The following WDR70 variants were observed in gnomAD, a reference collection of about 807,000 sequenced individuals.
The protein encoded by WDR70 is WD repeat-containing protein 70.
In WDR70, 53 loss-of-function variants were observed where a neutral mutation model predicts 88.6. That is an observed-to-expected ratio of 0.60 (90% CI 0.48 to 0.75). WDR70 has a LOEUF of 0.75. WDR70 is among the 30% of genes least tolerant of loss of function. The pLI is 0.00. For synonymous variants in WDR70, 280 were observed against 270.0 expected (o/e 1.04, Z -0.36); for missense variants, 610 against 823.2 (o/e 0.74, Z 3.17).
chr5:37,523,667 C>CGATCAAA (rs1561887026), intron 9 of WDR70, among the ~76,000 whole-genome samples: 3 of 152,012 alleles, frequency 2.0e-5, no homozygotes. Context: ...AGGCTTCAGA[C>CGATCAAA]GATCAAACTT....
intron 10 of WDR70, among the ~76,000 whole-genome samples, chr5:37,638,384 G>A (rs1745026435): frequency 6.6e-6 from 1 of 152,196 alleles, no homozygotes; most frequent in Non-Finnish European, 1.5e-5. Flanking sequence ...AGGCTCTGCT[G>A]CTTATTAGCT....
At chr5:37,427,331 C>G (rs1035690831) in intron 5 of WDR70, among the ~76,000 whole-genome samples, 2 of 151,548 alleles carry the variant, frequency 1.3e-5, no homozygotes, top group African/African-American at 4.9e-5. Context: ...GGAGCTTGCA[C>G]TGAGCGGAGA....
At chr5:37,686,200 C>T (rs1372603446) in intron 10 of WDR70, among the ~76,000 whole-genome samples, 1 of 150,454 alleles carries the variant, frequency 6.6e-6, no homozygotes, top group Non-Finnish European at 1.5e-5. Context: ...GTTGTAGTCA[C>T]AGTACTTGGG....
At chr5:37,559,315 T>A (rs1561901378) in intron 9 of WDR70, among the ~76,000 whole-genome samples, 1 of 152,284 alleles carries the variant, frequency 6.6e-6, no homozygotes, top group East Asian at 1.9e-4. Flanking sequence ...CTGGCATAAT[T>A]TATCATATCG....
intron 10 of WDR70, among the ~76,000 whole-genome samples, chr5:37,687,741 ATT>A (rs35188065): frequency 2.4e-4 from 36 of 148,046 alleles, no homozygotes; most frequent in East Asian, 5.9e-4. Flanking sequence ...ATCTAGCAGA[ATT>A]TTTTTTTTTT....
intron 5 of WDR70, 58 bp from the exon 6 acceptor site, chr5:37,437,864 G>C: frequency 6.6e-7 from 1 of 1,505,852 alleles, no homozygotes. Flanking sequence ...AATGTGTTGT[G>C]TAGTTCCCCA....
chr5:37,578,494 C>T (rs974656765), intron 9 of WDR70, among the ~76,000 whole-genome samples: 2 of 152,124 alleles, frequency 1.3e-5, no homozygotes, highest in African/African-American at 4.8e-5. Flanking sequence ...TGGAATTGCT[C>T]CCTATTTATG....
chr5:37,636,789 C>T (rs1005398241), intron 10 of WDR70, among the ~76,000 whole-genome samples: 4 of 151,724 alleles, frequency 2.6e-5, no homozygotes, highest in Admixed American at 1.3e-4. Flanking sequence ...AGATTGGAGG[C>T]GACTAAGGAA....
At chr5:37,604,743 TG>T (rs1415915116) in intron 9 of WDR70, among the ~76,000 whole-genome samples, 3 of 152,234 alleles carry the variant, frequency 2.0e-5, no homozygotes, top group Non-Finnish European at 4.4e-5. Flanking sequence ...GCAGTTTGGC[TG>T]ATCAGGGGTA....
chr5:37,578,670 T>G (rs1201854555), intron 9 of WDR70, among the ~76,000 whole-genome samples: 15 of 152,250 alleles, frequency 9.9e-5, no homozygotes. Flanking sequence ...TCAATAAAAT[T>G]ATTTGAGCTT....
At chr5:37,665,239 C>T (rs1446970710) in intron 10 of WDR70, among the ~76,000 whole-genome samples, 6 of 152,064 alleles carry the variant, frequency 3.9e-5, no homozygotes, top group Admixed American at 2.6e-4. Flanking sequence ...TTCCATTCAC[C>T]TATATTCTCA....
At chr5:37,467,428 G>A (rs952028863) in intron 7 of WDR70, among the ~76,000 whole-genome samples, 61 of 151,924 alleles carry the variant, frequency 4.0e-4, no homozygotes, top group African/African-American at 1.4e-3. Context: ...AGGAAGTAAT[G>A]CCACCATAGG....
At chr5:37,691,365 T>C (rs1472946047) in intron 10 of WDR70, among the ~76,000 whole-genome samples, 1 of 152,166 alleles carries the variant, frequency 6.6e-6, no homozygotes, top group Non-Finnish European at 1.5e-5. Flanking sequence ...GCGGACCTAG[T>C]AGACATGTAC....
At chr5:37,411,617 TCGGGAGG>T in intron 5 of WDR70, among the ~76,000 whole-genome samples, 1 of 152,108 alleles carries the variant, frequency 6.6e-6, no homozygotes, top group East Asian at 1.9e-4. Flanking sequence ...TTCCAGCTAC[TCGGGAGG>T]CTGAGACATG....
At chr5:37,670,350 C>T (rs577707456) in intron 10 of WDR70, among the ~76,000 whole-genome samples, 2 of 152,200 alleles carry the variant, frequency 1.3e-5, no homozygotes, top group South Asian at 2.1e-4. Context: ...ACAGAGGCAG[C>T]GAGAGTGTCA....
At chr5:37,434,381 G>A (rs920667099) in intron 5 of WDR70, among the ~76,000 whole-genome samples, 3 of 152,152 alleles carry the variant, frequency 2.0e-5, no homozygotes, top group Admixed American at 6.6e-5. Flanking sequence ...AGTGTTATTA[G>A]ATCTCCATAG....
intron 3 of WDR70, among the ~76,000 whole-genome samples, chr5:37,387,175 A>C (rs964159530): frequency 6.6e-6 from 1 of 151,998 alleles, no homozygotes; most frequent in African/African-American, 2.4e-5. Context: ...TTTAAGGCCC[A>C]GCCCCACAGT....
At chr5:37,680,727 C>G (rs140394203) in intron 10 of WDR70, among the ~76,000 whole-genome samples, 159 of 152,204 alleles carry the variant, frequency 1.0e-3, no homozygotes, top group Non-Finnish European at 7.9e-4. Context: ...GGCCTTATTT[C>G]TAGGTTCTCT....
chr5:37,421,957 G>T (rs1749959772), intron 5 of WDR70, among the ~76,000 whole-genome samples: 1 of 151,804 alleles, frequency 6.6e-6, no homozygotes, highest in Admixed American at 6.6e-5. Flanking sequence ...GTGTGGGAGG[G>T]AGGAGTTTCA....
Sources: gnomAD v4.1 joint callset for allele counts (sites outside exome capture counted in the v4.1 genomes callset) on GRCh38, gnomAD v4.1.1 for gene constraint, MANE v1.5 for transcripts, NCBI Gene and HGNC (gene_info 2026-07-23, HGNC 2026-07-21) for gene names.